Variants in RAB3IP observed in about 807,000 individuals in gnomAD.
RAB3IP encodes RAB3A interacting protein.
Under a neutral mutation model 59.1 loss-of-function variants are expected in RAB3IP, and 36 were observed. The observed-to-expected ratio is 0.61, with a 90% CI of 0.47 to 0.80. The LOEUF (loss-of-function observed/expected upper bound fraction) is 0.80. Among genes scored for constraint, RAB3IP ranks in the 30% least tolerant of loss-of-function variants. The pLI, the probability that RAB3IP is intolerant of heterozygous loss-of-function variation, is 0.00. For synonymous variants in RAB3IP, 207 were observed against 191.2 expected, an observed-to-expected ratio of 1.08 and a Z score of -0.68; for missense variants, 511 against 536.0, an observed-to-expected ratio of 0.95 and a Z score of 0.46.
rs1437922693 is a variant in RAB3IP, at chr12:69,821,535, G to C, written c.*6089G>C. On this transcript the variant is annotated 3_prime_UTR_variant, in exon 11 of 11. Coordinates refer to ENST00000247833, the MANE Select transcript of RAB3IP (RefSeq NM_022456.5). The stretch of plus-strand genomic sequence containing the variant: ...ATTCTCTTCACTTTCCGCAGATCTC[G>C]GCACCAGGGTTGCATCTTGTGGGCT... 1 of 152,060 alleles carries C rather than the reference G, an allele frequency of 6.6e-6. No individual in the cohort carries two copies. The highest frequency in any genetic ancestry group is 1.5e-5 in the Non-Finnish European group (1 of 68,028). 9.4% of individuals were successfully genotyped at this position (152,060 alleles called of 1,614,324 possible).
At position 69,738,986 on chromosome 12, in the gene RAB3IP, T is replaced by TGTGAGCGCCC. The variant is rs1353352006; in HGVS notation, c.-70_-61dup. 6.6e-6 allele frequency: 1 copy of TGTGAGCGCCC among 152,170 alleles called. No homozygotes were observed. The highest frequency in any genetic ancestry group is 1.5e-5 in the Non-Finnish European group (1 of 68,130). 9.4% of individuals were successfully genotyped at this position (152,170 alleles called of 1,614,324 possible). On this transcript the variant is annotated 5_prime_UTR_variant, in exon 1 of 11. Transcript: ENST00000247833. ...CTTCGGGACGCGCTCTCTGCGGCTCTGTGAGCGCCCCTGAGCGCCGGCAGC... is the reference window on the plus strand; with the variant it reads ...CTTCGGGACGCGCTCTCTGCGGCTCTGTGAGCGCCCGTGAGCGCCCCTGAGCGCCGGCAGC...
intron 1 of RAB3IP, among the ~76,000 whole-genome samples, chr12:69,741,643 C>T (rs1489445573): frequency 1.3e-5 from 2 of 152,164 alleles, no homozygotes; most frequent in Non-Finnish European, 1.5e-5. Flanking sequence ...TACTTTATCC[C>T]TATTTTGTAG....
chr12:69,762,553 C>T (rs1428359754), intron 3 of RAB3IP, among the ~76,000 whole-genome samples: 2 of 151,744 alleles, frequency 1.3e-5, no homozygotes, highest in East Asian at 1.9e-4. Flanking sequence ...GTTAGGAGAT[C>T]GAGACCATCC....
chr12:69,766,481 G>C (rs550440766), intron 3 of RAB3IP, among the ~76,000 whole-genome samples: 1 of 150,576 alleles, frequency 6.6e-6, no homozygotes, highest in Non-Finnish European at 1.5e-5. Context: ...AATTCCTTAC[G>C]TCAGTTTTTT....
chr12:69,790,260 C>T (rs1876386996), intron 4 of RAB3IP, among the ~76,000 whole-genome samples: 1 of 152,096 alleles, frequency 6.6e-6, no homozygotes, highest in South Asian at 2.1e-4. Context: ...ACATGGACAA[C>T]CAGTTACCTG....
intron 8 of RAB3IP, among the ~76,000 whole-genome samples, chr12:69,807,278 A>G (rs544421450): frequency 1.2e-3 from 109 of 94,676 alleles, no homozygotes; most frequent in African/African-American, 2.1e-3. Context: ...CAGACGGGGC[A>G]GCCGGGCAGA....
intron 7 of RAB3IP, 103 bp from the exon 8 acceptor site, chr12:69,801,506 G>A: frequency 3.4e-6 from 2 of 581,098 alleles, no homozygotes; most frequent in South Asian, 3.1e-5. Context: ...CCAAGCTAGT[G>A]GAACTTTGGA....
chr12:69,779,222 C>T (rs940555336), intron 3 of RAB3IP: 4 of 143,812 alleles, frequency 2.8e-5, no homozygotes, highest in Admixed American at 7.0e-5. Context: ...AAAGGGAACT[C>T]CCTGACCCCT....
intron 3 of RAB3IP, among the ~76,000 whole-genome samples, chr12:69,760,369 GGAAAGAGAGGGCGAGGGAGACCGT>G (rs1866850440): frequency 6.6e-6 from 1 of 152,192 alleles, no homozygotes; most frequent in Non-Finnish European, 1.5e-5. Flanking sequence ...GGGAGACCGT[GGAAAGAGAGGGCGAGGGAGACCGT>G]GGGGAGAGGG....
At position 69,820,565 on chromosome 12, in the gene RAB3IP, A is replaced by C. The variant is rs1226199521; in HGVS notation, c.*5119A>C. The C allele has an allele frequency of 1.3e-5, 2 of 151,890 alleles. No homozygotes were observed. The highest frequency in any genetic ancestry group is 2.9e-5 in the Non-Finnish European group (2 of 68,076). The allele number at this position is 151,890 out of a possible 1,614,324, so 9.4% of individuals were successfully genotyped here. On this transcript the variant is annotated 3_prime_UTR_variant, in exon 11 of 11. Transcript: ENST00000247833. ...CCCATTGCACTTAGAAAAAAAAAAA[A>C]AAAAAAAAACTGGCCAGGTGCGATG...
chr12:69,809,112 C>T (rs1343730251), intron 8 of RAB3IP, among the ~76,000 whole-genome samples: 2 of 149,628 alleles, frequency 1.3e-5, no homozygotes, highest in Non-Finnish European at 3.0e-5. Context: ...CAAAATCTCT[C>T]AGCATTTGCT....
chr12:69,759,428 C>T (rs1474937839), intron 3 of RAB3IP, among the ~76,000 whole-genome samples: 1 of 152,100 alleles, frequency 6.6e-6, no homozygotes, highest in Non-Finnish European at 1.5e-5. Flanking sequence ...TATCTTTTCC[C>T]CACCTTTCCC....
rs764852257 is a variant in RAB3IP at position 69,812,765 on chromosome 12, C to T, written c.1131-13C>T. 2 of 1,566,776 alleles carry T rather than the reference C, an allele frequency of 1.3e-6. No individual in the cohort carries two copies. Among genetic ancestry groups the T allele is most frequent in the Admixed American group, 1.8e-5 (1 of 54,996 alleles). On this transcript the variant is annotated splice_polypyrimidine_tract_variant and intron_variant, in intron 8 of 10. Transcript: ENST00000247833. ...TTCATTTCAAAAAACTGAAATTTATCATTATTTCACAGAAAATGTGCTCTC... is the reference window on the plus strand; with the variant it reads ...TTCATTTCAAAAAACTGAAATTTATTATTATTTCACAGAAAATGTGCTCTC...
intron 3 of RAB3IP, among the ~76,000 whole-genome samples, chr12:69,759,524 C>A (rs1005303839): frequency 6.6e-6 from 1 of 151,974 alleles, no homozygotes; most frequent in Non-Finnish European, 1.5e-5. Context: ...GGGTGGTGGC[C>A]GGGCAGAGGA....
chr12:69,755,878 C>G (rs992637187), intron 2 of RAB3IP, among the ~76,000 whole-genome samples: 1 of 152,186 alleles, frequency 6.6e-6, no homozygotes, highest in African/African-American at 2.4e-5. Context: ...CATGCAGTCT[C>G]TGTTGCAACT....
chr12:69,792,346 AAAC>A (rs1275961093), intron 4 of RAB3IP, among the ~76,000 whole-genome samples: 4 of 152,204 alleles, frequency 2.6e-5, no homozygotes, highest in African/African-American at 9.7e-5. Flanking sequence ...GCTAAAAGAA[AAAC>A]AAAATGATAT....
chr12:69,760,127 C>T (rs183149563), intron 3 of RAB3IP, among the ~76,000 whole-genome samples: 351 of 152,372 alleles, frequency 2.3e-3, no homozygotes, highest in Non-Finnish European at 3.7e-3. Context: ...TCTGCAATCC[C>T]GGCACCTCGG....
Position 69,795,364 on chromosome 12 carries a change from C to T in RAB3IP, c.888+20C>T, listed in dbSNP as rs186835012. 2.0e-3 allele frequency: 3,234 copies of T among 1,579,628 alleles called. 6 individuals carry two copies. The highest frequency in any genetic ancestry group is 2.7e-3 in the Middle Eastern group (16 of 5,998). Reference sequence around the variant, plus strand: ...AAAGAGGTAACTCATCAAGGACTGTCCCCTCTGACTCTGTTGATACTTGTT... The same window carrying T: ...AAAGAGGTAACTCATCAAGGACTGTTCCCTCTGACTCTGTTGATACTTGTT... On this transcript the variant is annotated intron_variant, in intron 6 of 10. Coordinates refer to ENST00000247833, the MANE Select transcript of RAB3IP (RefSeq NM_022456.5).
chr12:69,812,906 A>G, intron 9 of RAB3IP, 29 bp downstream of exon 9: 1 of 1,605,596 alleles, frequency 6.2e-7, no homozygotes, highest in South Asian at 1.1e-5. Flanking sequence ...AATTTTAATA[A>G]AGCTTGCTTT....
Sources: allele counts gnomAD v4.1 joint callset (sites outside exome capture counted in the v4.1 genomes callset), GRCh38; gene constraint gnomAD v4.1.1; transcripts MANE v1.5; gene names NCBI Gene and HGNC (gene_info 2026-07-23, HGNC 2026-07-21).